C20orf144: variants seen among roughly 807,000 people sequenced by gnomAD.
C20orf144 encodes uncharacterized protein C20orf144.
A neutral mutation model predicts 3.8 loss-of-function variants in C20orf144; 8 were observed. That is an observed-to-expected ratio of 2.11 (90% CI 1.24 to 3.80). The LOEUF (loss-of-function observed/expected upper bound fraction) is 3.80. Ranked by LOEUF, C20orf144 falls within the 30% of genes most tolerant of loss-of-function variation. The pLI, the probability that C20orf144 is intolerant of heterozygous loss-of-function variation, is 0.00. For synonymous variants in C20orf144, 126 were observed against 104.1 expected, an observed-to-expected ratio of 1.21 and a Z score of -1.28; for missense variants, 289 against 224.5, an observed-to-expected ratio of 1.29 and a Z score of -1.83.
intron 1 of C20orf144, 56 bp from the exon 2 acceptor site, chr20:33,663,476 G>C (rs2017546104): frequency 1.3e-6 from 2 of 1,547,974 alleles, no homozygotes; most frequent in Non-Finnish European, 1.7e-6. Flanking sequence ...GCGGCCCCGG[G>C]TCGTGGGCTC....
intron 1 of C20orf144, 124 bp from the exon 2 acceptor site, chr20:33,663,408 A>C (rs1360576624): frequency 2.0e-5 from 21 of 1,045,474 alleles, no homozygotes; most frequent in Non-Finnish European, 2.5e-5. Flanking sequence ...CGAGAGGATG[A>C]CAGGACCCGG....
chr20:33,663,196 C>T (rs1358443551), intron 1 of C20orf144, among the ~76,000 whole-genome samples: 1 of 152,184 alleles, frequency 6.6e-6, no homozygotes, highest in African/African-American at 2.4e-5. Context: ...AAGCCCTGGA[C>T]CAGGCGGGGG....
chr20:33,663,664 A>T lies in C20orf144; in HGVS notation c.259A>T (p.Ser87Cys). ...APRLRGAGEG[S>C]EREPRMPVLL... ...CAGATTGCGCGGAGCGGGCGAAGGTAGCGAGCGCGAGCCGAGGATGCCGGT... is the reference window on the plus strand; with the variant it reads ...CAGATTGCGCGGAGCGGGCGAAGGTTGCGAGCGCGAGCCGAGGATGCCGGT... The change falls in exon 2 of 2, where the codon AGC becomes TGC. Residue 87 changes from serine to cysteine, a missense_variant. Transcript: ENST00000375222. 1 of 1,574,924 alleles carries T rather than the reference A, an allele frequency of 6.3e-7. No individual in the cohort carries two copies.
chr20:33,662,700 T>A, intron 1 of C20orf144: 1 of 510,756 alleles, frequency 2.0e-6, no homozygotes. Context: ...AACACGTTGG[T>A]AGGCCAAGGT....
rs915206130 is a variant in C20orf144 at position 33,663,802 on chromosome 20, C to A, written c.397C>A (p.Arg133Ser). The stretch of plus-strand genomic sequence containing the variant: ...CTTCCGGTCCCCGGGGAAGGCTCCC[C>A]GCGAAGCCGGCCCCGCCGAGGAGCA... Reference protein sequence around the residue: ...SRFRSPGKAPREAGPAEEQPR... With the variant: ...SRFRSPGKAPSEAGPAEEQPR... Residue 133 changes from arginine (R) to serine (S), a missense_variant, in exon 2 of 2, where the codon CGC becomes AGC. Transcript: ENST00000375222. 3 of 1,418,684 alleles carry A rather than the reference C, an allele frequency of 2.1e-6. No homozygotes were observed. The highest frequency in any genetic ancestry group is 3.2e-5 in the Admixed American group (1 of 31,352). The allele number at this position is 1,418,684 out of a possible 1,614,324, so 87.9% of individuals were successfully genotyped here.
At position 33,663,582 on chromosome 20, in the gene C20orf144, C is replaced by T. The variant is rs1472777586; in HGVS notation, c.177C>T (p.Asn59=). 2.5e-6 allele frequency: 4 copies of T among 1,611,402 alleles called. No homozygotes were observed. The highest frequency in any genetic ancestry group is 2.5e-6 in the Non-Finnish European group (3 of 1,179,672). ...TGGACAAGCGGCAGCCGCTGGCCAA[C>T]GCTGGGCAACGGATTGACTACGCGT... ...LPLDKRQPLA[N]AGQRIDYASG... Residue 59 remains asparagine (N), a synonymous_variant, in exon 2 of 2, where the codon AAC becomes AAT. Coordinates refer to ENST00000375222, the MANE Select transcript of C20orf144 (RefSeq NM_080825.4).
chr20:33,663,556 C>A lies in C20orf144; in HGVS notation c.151C>A (p.Leu51Met), dbSNP rs2017549885. The change falls in exon 2 of 2, where the codon CTG (leucine) becomes ATG (methionine). Residue 51 changes from leucine to methionine, a missense_variant. Transcript: ENST00000375222. Reference sequence around the variant, plus strand: ...GACCAGGATCGTGCTGATTCTCCCCCTGGACAAGCGGCAGCCGCTGGCCAA... The same window carrying A: ...GACCAGGATCGTGCTGATTCTCCCCATGGACAAGCGGCAGCCGCTGGCCAA... ...PATRIVLILP[L>M]DKRQPLANAG... 1.7e-5 allele frequency: 28 copies of A among 1,611,230 alleles called. No individual in the cohort carries two copies. The highest frequency in any genetic ancestry group is 2.2e-5 in the Non-Finnish European group (26 of 1,179,654).
rs1489068470 is a variant in C20orf144, at chr20:33,663,671, G to A, written c.266G>A (p.Arg89His). The change falls in exon 2 of 2, where the codon CGC (arginine) becomes CAC (histidine). Residue 89 changes from arginine to histidine, a missense_variant. By Grantham distance (29) the Arg-to-His change is conservative (BLOSUM62 0). Coordinates refer to ENST00000375222, the MANE Select transcript of C20orf144 (RefSeq NM_080825.4). ...RLRGAGEGSE[R>H]EPRMPVLLLL... is the part of the protein sequence containing the mutation. ...CGCGGAGCGGGCGAAGGTAGCGAGC[G>A]CGAGCCGAGGATGCCGGTACTGCTG... 1.3e-6 allele frequency: 2 copies of A among 1,571,902 alleles called. No individual in the cohort carries two copies. The highest frequency in any genetic ancestry group is 1.9e-5 in the Admixed American group (1 of 53,540).
In C20orf144 at chr20:33,662,795, G is replaced by C. The variant is rs139136851; in HGVS notation, c.126+324G>C. 2.9e-3 allele frequency: 798 copies of C among 279,062 alleles called. 8 individuals are homozygous for C. The highest frequency in any genetic ancestry group is 0.016 in the African/African-American group (725 of 45,070). 17.3% of individuals were successfully genotyped at this position (279,062 alleles called of 1,614,324 possible). ...TCTCTACAAAAATTAAAACTTAGCT[G>C]GTTGTGGTGGTGAATGCCCGCAGTC... On this transcript the variant is annotated intron_variant, in intron 1 of 1. Coordinates refer to ENST00000375222, the MANE Select transcript of C20orf144 (RefSeq NM_080825.4).
chr20:33,663,634 G>A lies in C20orf144; in HGVS notation c.229G>A (p.Ala77Thr), dbSNP rs545844490. The A allele has an allele frequency of 4.8e-5, 77 of 1,607,466 alleles. No individual in the cohort carries two copies. In the East Asian group the frequency reaches 1.7e-3, roughly 34 times the overall value. The change falls in exon 2 of 2, where the codon GCA becomes ACA. Residue 77 changes from alanine to threonine, a missense_variant. Transcript: ENST00000375222. The stretch of plus-strand genomic sequence containing the variant: ...CGGCGCTGGGCTGGGCTCCCCGGCG[G>A]CACCCAGATTGCGCGGAGCGGGCGA... ...ASGAGLGSPA[A>T]PRLRGAGEGS... is the part of the protein sequence containing the mutation.
At chr20:33,662,887 A>G (rs2017525864) in intron 1 of C20orf144, 1 of 188,938 alleles carries the variant, frequency 5.3e-6, no homozygotes, top group African/African-American at 2.4e-5. Context: ...TGAGCCGTTG[A>G]CAGCACCACT....
chr20:33,662,506 G>A (rs1239403087), intron 1 of C20orf144, 35 bp downstream of exon 1: 15 of 1,546,248 alleles, frequency 9.7e-6, no homozygotes, highest in African/African-American at 1.4e-5. Flanking sequence ...GGCTGGGGAG[G>A]CAGCTGGGGG....
intron 1 of C20orf144, 25 bp downstream of exon 1, chr20:33,662,496 GGCTGGGGAGGCA>G (rs1176244709): frequency 6.5e-7 from 1 of 1,549,306 alleles, no homozygotes. Flanking sequence ...TGGGGAGCAG[GGCTGGGGAGGCA>G]GCTGGGGGGC....
At chr20:33,663,396 C>A in intron 1 of C20orf144, 136 bp from the exon 2 acceptor site, 2 of 953,654 alleles carry the variant, frequency 2.1e-6, no homozygotes, top group Non-Finnish European at 3.0e-6. Context: ...CAGCCCTGTG[C>A]ACGAGAGGAT....
Position 33,663,880 on chromosome 20 carries a change from G to T in C20orf144, c.*13G>T. The T allele has an allele frequency of 7.2e-7, 1 of 1,384,008 alleles. No homozygotes were observed. Among genetic ancestry groups the T allele is most frequent in the South Asian group, 1.6e-5 (1 of 62,228 alleles). The allele number at this position is 1,384,008 out of a possible 1,614,324, so 85.7% of individuals were successfully genotyped here. ...CCCGCAGCTTTAAACGCTTGGCCCGGACCCCGCCCAATAAAGAGTGCGTGG... is the reference window on the plus strand; with the variant it reads ...CCCGCAGCTTTAAACGCTTGGCCCGTACCCCGCCCAATAAAGAGTGCGTGG... On this transcript the variant is annotated 3_prime_UTR_variant, in exon 2 of 2. Coordinates refer to ENST00000375222, the MANE Select transcript of C20orf144 (RefSeq NM_080825.4).
At position 33,663,666 on chromosome 20, in the gene C20orf144, C is replaced by A. The variant is rs767896556; in HGVS notation, c.261C>A (p.Ser87Arg). 8 of 1,574,188 alleles carry A rather than the reference C, an allele frequency of 5.1e-6. No homozygotes were observed. The South Asian group carries it at 9.1e-5, about 18-fold the overall frequency. The change falls in exon 2 of 2, where the codon AGC (serine) becomes AGA (arginine). Residue 87 changes from serine to arginine, a missense_variant. Physicochemically the swap from Ser to Arg is moderately radical, Grantham distance 110. Transcript: ENST00000375222. ...GATTGCGCGGAGCGGGCGAAGGTAGCGAGCGCGAGCCGAGGATGCCGGTAC... is the reference window on the plus strand; with the variant it reads ...GATTGCGCGGAGCGGGCGAAGGTAGAGAGCGCGAGCCGAGGATGCCGGTAC... ...APRLRGAGEGSEREPRMPVLL... is the reference protein window; with the variant it reads ...APRLRGAGEGREREPRMPVLL...
rs899703295 is a variant in C20orf144 at position 33,663,834 on chromosome 20, C to T, written c.429C>T (p.Arg143=). The change falls in exon 2 of 2, where the codon CGC becomes CGT. Residue 143 remains arginine, a synonymous_variant. Coordinates refer to ENST00000375222, the MANE Select transcript of C20orf144 (RefSeq NM_080825.4). ...REAGPAEEQP[R]KRCRCPRPQL is the part of the protein sequence containing the mutation. Reference sequence around the variant, plus strand: ...CCGGCCCCGCCGAGGAGCAGCCGCGCAAACGGTGCCGCTGCCCTCGCCCGC... The same window carrying T: ...CCGGCCCCGCCGAGGAGCAGCCGCGTAAACGGTGCCGCTGCCCTCGCCCGC... 1.4e-6 allele frequency: 2 copies of T among 1,413,070 alleles called. No individual in the cohort carries two copies. Among genetic ancestry groups the T allele is most frequent in the Non-Finnish European group, 1.8e-6 (2 of 1,095,192 alleles). 87.5% of individuals were successfully genotyped at this position (1,413,070 alleles called of 1,614,324 possible).
Position 33,663,820 on chromosome 20 carries a change from G to C in C20orf144, c.415G>C (p.Glu139Gln), listed in dbSNP as rs1362131531. The C allele has an allele frequency of 3.7e-6, 5 of 1,357,308 alleles. No homozygotes were observed. Among genetic ancestry groups the C allele is most frequent in the East Asian group, 3.4e-5 (1 of 29,252 alleles). 84.1% of individuals were successfully genotyped at this position (1,357,308 alleles called of 1,614,324 possible). A position where few individuals can be genotyped will look rare whatever the true frequency, so the allele number is the denominator to read the frequency against. Residue 139 changes from glutamate (E) to glutamine (Q), a missense_variant, in exon 2 of 2, where the codon GAG (glutamate) becomes CAG (glutamine). Transcript: ENST00000375222. ...GKAPREAGPA[E>Q]EQPRKRCRCP... The stretch of plus-strand genomic sequence containing the variant: ...GGCTCCCCGCGAAGCCGGCCCCGCC[G>C]AGGAGCAGCCGCGCAAACGGTGCCG...
chr20:33,663,204 G>A (rs1483866312), intron 1 of C20orf144, among the ~76,000 whole-genome samples: 1 of 152,240 alleles, frequency 6.6e-6, no homozygotes. Flanking sequence ...GACCAGGCGG[G>A]GGTGGGAGGT....
Sources: gnomAD v4.1 joint callset for allele counts (sites outside exome capture counted in the v4.1 genomes callset) on GRCh38, gnomAD v4.1.1 for gene constraint, MANE v1.5 for transcripts, NCBI Gene and HGNC (gene_info 2026-07-23, HGNC 2026-07-21) for gene names.